The following KCNQ1OT1 variants were observed in gnomAD, a reference collection of about 807,000 sequenced individuals.
KCNQ1OT1 encodes KCNQ1 opposite strand/antisense transcript 1.
At position 2,682,628 on chromosome 11, in the gene KCNQ1OT1, C is replaced by T. The variant is rs1590029417; in HGVS notation, n.17367G>A. 1 of 398,590 alleles carries T rather than the reference C, an allele frequency of 2.5e-6. No homozygotes were observed. Among genetic ancestry groups the T allele is most frequent in the Non-Finnish European group, 4.4e-6 (1 of 226,104 alleles). The allele number at this position is 398,590 out of a possible 1,614,324, so 24.7% of individuals were successfully genotyped here. A position where few individuals can be genotyped will look rare whatever the true frequency, so the allele number is the denominator to read the frequency against. ...TAAGGCTTGAGAGCTCTTCTTCAGG[C>T]TCAGTCATCCCTGCTTCCCCAGGGC... On this transcript the variant is annotated non_coding_transcript_exon_variant, in exon 1 of 1. Coordinates refer to ENST00000597346, the Ensembl canonical transcript of KCNQ1OT1. This position sits in a 1 kb window ranked among gnomAD's most constrained non-coding sequence, Gnocchi z 5.8.
chr11:2,661,251 A>G lies in KCNQ1OT1; in HGVS notation n.38744T>C. 2.5e-6 allele frequency: 1 copy of G among 399,192 alleles called. No individual in the cohort carries two copies. The highest frequency in any genetic ancestry group is 4.4e-6 in the Non-Finnish European group (1 of 226,536). The allele number at this position is 399,192 out of a possible 1,614,324, so 24.7% of individuals were successfully genotyped here. A position where few individuals can be genotyped will look rare whatever the true frequency, so the allele number is the denominator to read the frequency against. ...GAGTACTTAATCCTTTTGCAATAAA[A>G]TATTTAAATGAAGACAAATATAAGC... On this transcript the variant is annotated non_coding_transcript_exon_variant, in exon 1 of 1. Transcript: ENST00000597346. The surrounding 1 kb of genome is among the most constrained non-coding windows in gnomAD (Gnocchi z 5.9).
chr11:2,618,659 C>T, exon 1 of KCNQ1OT1: 1 of 398,498 alleles, frequency 2.5e-6, no homozygotes, highest in Non-Finnish European at 4.4e-6. Context: ...ACAGAATTTT[C>T]AGAATTTCGT....
In KCNQ1OT1 at chr11:2,682,809, G is replaced by C; in HGVS notation, n.17186C>G. On this transcript the variant is annotated non_coding_transcript_exon_variant, in exon 1 of 1. Transcript: ENST00000597346. This position sits in a 1 kb window ranked among gnomAD's most constrained non-coding sequence, Gnocchi z 5.8. ...GCACCATGAAATGCAGTGACTTGCA[G>C]TGATCCTCCTGGGGCCTTGTATAGA... 1 of 398,644 alleles carries C rather than the reference G, an allele frequency of 2.5e-6. No individual in the cohort carries two copies. The highest frequency in any genetic ancestry group is 4.4e-6 in the Non-Finnish European group (1 of 226,070). The allele number at this position is 398,644 out of a possible 1,614,324, so 24.7% of individuals were successfully genotyped here.
At chr11:2,614,937 C>A (rs1849037132) in exon 1 of KCNQ1OT1, 1 of 398,226 alleles carries the variant, frequency 2.5e-6, no homozygotes, top group Non-Finnish European at 4.4e-6. Context: ...TAAAAAGGCC[C>A]TTGGGATTTT....
exon 1 of KCNQ1OT1, chr11:2,643,244 T>C (rs1009727557): frequency 2.5e-6 from 1 of 398,310 alleles, no homozygotes; most frequent in Non-Finnish European, 4.4e-6. Flanking sequence ...ATCTGTCTAA[T>C]ACTGGAAATG....
exon 1 of KCNQ1OT1, chr11:2,641,570 C>G (rs1372601082): frequency 2.5e-6 from 1 of 398,352 alleles, no homozygotes; most frequent in African/African-American, 2.1e-5. Context: ...CAAATATTTT[C>G]TCCCATTCAA....
chr11:2,674,800 T>C lies in KCNQ1OT1; in HGVS notation n.25195A>G, dbSNP rs1850261954. ...GAAACTCTCGCCAACTGCTGGCCTT[T>C]GGAAAGGCTTGTCACCCTAATAGCT... On this transcript the variant is annotated non_coding_transcript_exon_variant, in exon 1 of 1. Transcript: ENST00000597346. This position sits in a 1 kb window ranked among gnomAD's most constrained non-coding sequence, Gnocchi z 5.9. 5.2e-6 allele frequency: 2 copies of C among 388,296 alleles called. No homozygotes were observed. The allele number at this position is 388,296 out of a possible 1,614,324, so 24.1% of individuals were successfully genotyped here.
At chr11:2,699,669 G>GAACCGCGCCGAAGAACCCCCGGGGAT (rs1850753176) in exon 1 of KCNQ1OT1, 1 of 273,670 alleles carries the variant, frequency 3.7e-6, no homozygotes, top group Admixed American at 7.5e-5. Context: ...CCCCCGGGGA[G>GAACCGCGCCGAAGAACCCCCGGGGAT]AACCGCGCCG....
In KCNQ1OT1 at chr11:2,620,600, T is replaced by C; in HGVS notation, n.79395A>G. The C allele has an allele frequency of 2.5e-6, 1 of 397,628 alleles. No homozygotes were observed. Among genetic ancestry groups the C allele is most frequent in the Non-Finnish European group, 4.4e-6 (1 of 225,936 alleles). 24.6% of individuals were successfully genotyped at this position (397,628 alleles called of 1,614,324 possible). A position where few individuals can be genotyped will look rare whatever the true frequency, so the allele number is the denominator to read the frequency against. On this transcript the variant is annotated non_coding_transcript_exon_variant, in exon 1 of 1. Coordinates refer to ENST00000597346, the Ensembl canonical transcript of KCNQ1OT1. This position sits in a 1 kb window ranked among gnomAD's most constrained non-coding sequence, Gnocchi z 4.5. ...TTATCCAATCCACCACTGATGGGCA[T>C]CTAAGTGGATTCCATGTCTTTGCTG... is the stretch of plus-strand genomic sequence containing the variant.
At chr11:2,660,615 C>G (rs1007839837) in exon 1 of KCNQ1OT1, 5 of 398,388 alleles carry the variant, frequency 1.3e-5, no homozygotes, top group Non-Finnish European at 2.2e-5. Flanking sequence ...GATGCCAAGC[C>G]CATAAAAGGT....
exon 1 of KCNQ1OT1, chr11:2,662,500 G>A (rs1421508497): frequency 4.5e-6 from 2 of 445,330 alleles, no homozygotes; most frequent in East Asian, 3.3e-5. Context: ...GCTGTCCTCA[G>A]GGGCTCCTTC....
exon 1 of KCNQ1OT1, chr11:2,697,864 C>A (rs1043857758): frequency 1.5e-5 from 6 of 398,476 alleles, no homozygotes; most frequent in Non-Finnish European, 2.7e-5. Flanking sequence ...TGCTCTGATT[C>A]GCAATTTTAA....
At chr11:2,639,550 G>A (rs1849535562) in exon 1 of KCNQ1OT1, 2 of 152,560 alleles carry the variant, frequency 1.3e-5, no homozygotes, top group Non-Finnish European at 2.9e-5. Context: ...ACCAAATGTT[G>A]CTGCCTGATT....
At chr11:2,634,054 T>G in exon 1 of KCNQ1OT1, 1 of 398,602 alleles carries the variant, frequency 2.5e-6, no homozygotes, top group Admixed American at 4.4e-5. Flanking sequence ...TCAGTATTGT[T>G]TGTCCTATTT....
chr11:2,661,875 G>T lies in KCNQ1OT1; in HGVS notation n.38120C>A. 1 of 1,555,586 alleles carries T rather than the reference G, an allele frequency of 6.4e-7. No homozygotes were observed. The highest frequency in any genetic ancestry group is 8.9e-7 in the Non-Finnish European group (1 of 1,128,566). ...CAGGCACAAGCTCCACTCCTCACCT[G>T]GCCCTGGGAGCTCACAGGCCTGGCT... is the stretch of plus-strand genomic sequence containing the variant. On this transcript the variant is annotated non_coding_transcript_exon_variant, in exon 1 of 1. Coordinates refer to ENST00000597346, the Ensembl canonical transcript of KCNQ1OT1. The surrounding 1 kb of genome is among the most constrained non-coding windows in gnomAD (Gnocchi z 5.9).
exon 1 of KCNQ1OT1, chr11:2,699,707 G>A: frequency 4.6e-6 from 1 of 215,990 alleles, no homozygotes. Context: ...CGAGGAGAAC[G>A]GCGCCGAGGA....
At position 2,698,284 on chromosome 11, in the gene KCNQ1OT1, C is replaced by T; in HGVS notation, n.1711G>A. On this transcript the variant is annotated non_coding_transcript_exon_variant, in exon 1 of 1. Transcript: ENST00000597346. This position sits in a 1 kb window ranked among gnomAD's most constrained non-coding sequence, Gnocchi z 5.1. ...GATAATCTAAGACAGAACTATTCTACCTGGATGAATTATTCTCTTTCATAA... is the reference window on the plus strand; with the variant it reads ...GATAATCTAAGACAGAACTATTCTATCTGGATGAATTATTCTCTTTCATAA... The T allele has an allele frequency of 5.0e-6, 2 of 398,638 alleles. No individual in the cohort carries two copies. Among genetic ancestry groups the T allele is most frequent in the Admixed American group, 4.4e-5 (1 of 22,736 alleles). 24.7% of individuals were successfully genotyped at this position (398,638 alleles called of 1,614,324 possible).
exon 1 of KCNQ1OT1, chr11:2,656,338 A>C (rs1564847122): frequency 1.3e-5 from 5 of 398,536 alleles, no homozygotes; most frequent in Non-Finnish European, 2.2e-5. Flanking sequence ...TGGGTCTCCA[A>C]ATCTGCACAT....
In KCNQ1OT1 at chr11:2,695,583, C is replaced by A; in HGVS notation, n.4412G>T. 2.5e-6 allele frequency: 1 copy of A among 398,610 alleles called. No individual in the cohort carries two copies. The highest frequency in any genetic ancestry group is 4.4e-6 in the Non-Finnish European group (1 of 226,074). The allele number at this position is 398,610 out of a possible 1,614,324, so 24.7% of individuals were successfully genotyped here. On this transcript the variant is annotated non_coding_transcript_exon_variant, in exon 1 of 1. Transcript: ENST00000597346. The surrounding 1 kb of genome is among the most constrained non-coding windows in gnomAD (Gnocchi z 5.2). ...CTGAGCATGCACACACACAGCCTCT[C>A]GTTGTTCTGGGTGAGAACTGCTCCA...
Sources: allele counts gnomAD v4.1 joint callset, GRCh38; gene constraint gnomAD v4.1.1; non-coding constraint Gnocchi (gnomAD v3.1); transcripts MANE v1.5; gene names NCBI Gene and HGNC (gene_info 2026-07-23, HGNC 2026-07-21).